PCDH15: variants seen among roughly 807,000 people sequenced by gnomAD.
PCDH15 encodes the protein protocadherin related 15.
A neutral mutation model predicts 178.5 loss-of-function variants in PCDH15; 129 were observed. The observed-to-expected ratio is 0.72, with a 90% confidence interval of 0.63 to 0.84. The LOEUF is 0.84. PCDH15 is among the 40% of genes least tolerant of loss of function. PCDH15 has a pLI of 0.00. For synonymous variants in PCDH15, 800 were observed against 732.0 expected (o/e 1.09, Z -1.50); for missense variants, 2,230 against 2,099.9 (o/e 1.06, Z -1.21).
At chr10:55,529,837 A>C (rs934613451) in intron 2 of PCDH15, among the ~76,000 whole-genome samples, 3 of 146,010 alleles carry the variant, frequency 2.1e-5, no homozygotes, top group Non-Finnish European at 4.5e-5. Context: ...CCAGAATTAG[A>C]CTTTCATGCA....
At chr10:55,028,229 ATGGCTAAAAATAG>A (rs1840524703) in intron 2 of PCDH15, among the ~76,000 whole-genome samples, 1 of 151,932 alleles carries the variant, frequency 6.6e-6, no homozygotes, top group African/African-American at 2.4e-5. Context: ...TAATGATAAT[ATGGCTAAAAATAG>A]TGGAACTAAC....
chr10:55,608,433 G>C (rs77328333), intron 2 of PCDH15, among the ~76,000 whole-genome samples: 3,425 of 151,516 alleles, frequency 0.023, 135 homozygotes, highest in African/African-American at 0.078. Flanking sequence ...CACATTTTCT[G>C]TACTTCATTG....
chr10:55,169,920 T>C (rs1839286667), intron 1 of PCDH15, among the ~76,000 whole-genome samples: 2 of 151,982 alleles, frequency 1.3e-5, no homozygotes, highest in African/African-American at 4.8e-5. Flanking sequence ...TTATTAACCA[T>C]TAGTAGACAT....
At chr10:53,892,273 C>T (rs887908504) in intron 26 of PCDH15, among the ~76,000 whole-genome samples, 3 of 152,048 alleles carry the variant, frequency 2.0e-5, no homozygotes, top group African/African-American at 7.2e-5. Context: ...GATCCACCCG[C>T]CCCGGCCTCC....
intron 3 of PCDH15, among the ~76,000 whole-genome samples, chr10:54,447,445 T>G (rs1430175247): frequency 6.6e-6 from 1 of 151,676 alleles, no homozygotes; most frequent in Non-Finnish European, 1.5e-5. Context: ...TCTATGAGTT[T>G]TACTTATTTA....
chr10:54,351,760 C>A (rs1944222347), intron 5 of PCDH15, among the ~76,000 whole-genome samples: 1 of 152,078 alleles, frequency 6.6e-6, no homozygotes, highest in Admixed American at 6.6e-5. Flanking sequence ...CCCTGCCCAC[C>A]TTTTTTTGCT....
At chr10:55,503,214 A>G (rs1186327089) in intron 2 of PCDH15, among the ~76,000 whole-genome samples, 1 of 151,242 alleles carries the variant, frequency 6.6e-6, no homozygotes, top group Non-Finnish European at 1.5e-5. Context: ...TCCTCAATAC[A>G]ATTACAAAGT....
intron 2 of PCDH15, chr10:54,575,323 C>G (rs1565639479): frequency 6.5e-6 from 1 of 152,732 alleles, no homozygotes. Flanking sequence ...TGAAATTGGC[C>G]TGTTTTATTA....
chr10:53,846,013 T>C (rs1310818638), intron 28 of PCDH15, among the ~76,000 whole-genome samples: 4 of 124,882 alleles, frequency 3.2e-5, no homozygotes, highest in African/African-American at 1.2e-4. Flanking sequence ...ATATCAATAG[T>C]GTATGTGTAT....
Position 55,465,526 on chromosome 10 carries a change from A to G in PCDH15, c.-156+162099T>C, listed in dbSNP as rs554103524. ...CTTTTCATCAGTCTTATTTAATTTG[A>G]AAGCTTCCCTTGTGATTCTGATGTG... is the stretch of plus-strand genomic sequence containing the variant. On this transcript the variant is annotated intron_variant, in intron 2 of 5. Transcript: ENST00000613346. Among the ~76,000 whole-genome samples the G allele has an allele frequency of 2.1e-3, 323 of 152,182 alleles. 3 individuals are homozygous for G. Among genetic ancestry groups the G allele is most frequent in the Non-Finnish European group, 3.8e-3 (255 of 67,990 alleles).
rs1276160067 is a variant in PCDH15, at chr10:54,522,809, G to C, written c.157+5003C>G. 3.9e-5 allele frequency among the ~76,000 whole-genome samples: 6 copies of C among 152,332 alleles called. No homozygotes were observed. The East Asian group carries it at 1.2e-3, about 29-fold the overall frequency. On this transcript the variant is annotated intron_variant, in intron 3 of 37. Coordinates refer to ENST00000644397, the MANE Select transcript of PCDH15 (RefSeq NM_001384140.1). ...ATTGGGCATGTGTTCAAGATTGTTT[G>C]TAACAGGGAAGGAGAGAATTGCAAG... is the stretch of plus-strand genomic sequence containing the variant.
At chr10:54,988,410 A>T (rs999149729) in intron 2 of PCDH15, among the ~76,000 whole-genome samples, 2 of 152,176 alleles carry the variant, frequency 1.3e-5, no homozygotes, top group Non-Finnish European at 2.9e-5. Context: ...GAGGGCTCAG[A>T]AGAAGACAAG....
intron 2 of PCDH15, among the ~76,000 whole-genome samples, chr10:55,157,210 A>G (rs1378262142): frequency 6.6e-6 from 1 of 152,140 alleles, no homozygotes; most frequent in Non-Finnish European, 1.5e-5. Flanking sequence ...AAAAATGCTC[A>G]TCATCACTGG....
chr10:55,512,946 C>T (rs936537425), intron 2 of PCDH15: 2 of 152,070 alleles, frequency 1.3e-5, no homozygotes, highest in East Asian at 1.9e-4. Flanking sequence ...ATCTTTAACT[C>T]GTTTTACAGC....
chr10:54,516,275 A>C (rs1226871335), intron 3 of PCDH15, among the ~76,000 whole-genome samples: 2 of 150,656 alleles, frequency 1.3e-5, no homozygotes, highest in Admixed American at 6.7e-5. Context: ...ACAGGAGGAA[A>C]TTCAAACCAA....
chr10:55,019,459 C>A (rs1219513564), intron 2 of PCDH15, among the ~76,000 whole-genome samples: 1 of 150,724 alleles, frequency 6.6e-6, no homozygotes, highest in Non-Finnish European at 1.5e-5. Context: ...TTTTTTTTTC[C>A]TTAGATTTTT....
chr10:54,208,284 C>T (rs1202029245), intron 10 of PCDH15, among the ~76,000 whole-genome samples: 1 of 151,924 alleles, frequency 6.6e-6, no homozygotes, highest in Non-Finnish European at 1.5e-5. Flanking sequence ...AGAGACCTGG[C>T]TATTGGGGTA....
At chr10:53,865,579 A>C (rs2079391019) in intron 27 of PCDH15, among the ~76,000 whole-genome samples, 1 of 152,168 alleles carries the variant, frequency 6.6e-6, no homozygotes, top group Non-Finnish European at 1.5e-5. Flanking sequence ...TCTTAATTTG[A>C]TCAAAAATTT....
At chr10:54,292,434 C>G (rs1203032346) in intron 8 of PCDH15, among the ~76,000 whole-genome samples, 1 of 152,156 alleles carries the variant, frequency 6.6e-6, no homozygotes, top group Non-Finnish European at 1.5e-5. Flanking sequence ...TCCTCTCTCA[C>G]CACTCCTTTT....
Sources: gnomAD v4.1 joint callset for allele counts (sites outside exome capture counted in the v4.1 genomes callset) on GRCh38, gnomAD v4.1.1 for gene constraint, MANE v1.5 for transcripts, NCBI Gene and HGNC (gene_info 2026-07-23, HGNC 2026-07-21) for gene names.